The following CELSR1 variants were observed in gnomAD, a reference collection of about 807,000 sequenced individuals.
The protein encoded by CELSR1 is cadherin EGF LAG seven-pass G-type receptor 1, also known as adhesion G protein-coupled receptor C1.
Under a neutral mutation model 249.1 loss-of-function variants are expected in CELSR1, and 110 were observed. That is an observed-to-expected ratio of 0.44 (90% CI 0.38 to 0.52). The LOEUF (loss-of-function observed/expected upper bound fraction) is 0.52, where lower values mean the gene tolerates loss of function less well. CELSR1 is among the 20% of genes least tolerant of loss of function. The pLI is 0.00. For synonymous variants in CELSR1, 2,113 were observed against 1,900.0 expected, an observed-to-expected ratio of 1.11 and a Z score of -2.92; for missense variants, 4,109 against 4,296.4, an observed-to-expected ratio of 0.96 and a Z score of 1.22.
rs2078829570 is a variant in CELSR1, at chr22:46,369,703, C to T, written c.7861G>A (p.Ala2621Thr). Reference sequence around the variant, plus strand: ...GGCCCCACACTCACGATTATAACAGCTCCGATGGGCCCCGCAAAGCTCCAA... The same window carrying T: ...GGCCCCACACTCACGATTATAACAGTTCCGATGGGCCCCGCAAAGCTCCAA... Reference protein sequence around the residue: ...LIWSFAGPIGAVIIINTVTSV... With the variant: ...LIWSFAGPIGTVIIINTVTSV... The change falls in exon 26 of 35, where the codon GCT becomes ACT. Residue 2621 changes from alanine to threonine, a missense_variant. This residue lies in a region of CELSR1 where 1,805 missense variants were observed against 1,831.6 expected (regional missense o/e 0.99). Coordinates refer to ENST00000674500, the MANE Select transcript of CELSR1 (RefSeq NM_001378328.1). The T allele has an allele frequency of 2.5e-6, 4 of 1,613,362 alleles. No individual in the cohort carries two copies. The highest frequency in any genetic ancestry group is 1.7e-6 in the Non-Finnish European group (2 of 1,179,946).
intron 2 of CELSR1, among the ~76,000 whole-genome samples, chr22:46,459,055 G>GTTAAT (rs112370929): frequency 6.6e-6 from 1 of 151,810 alleles, no homozygotes; most frequent in African/African-American, 2.4e-5. Flanking sequence ...ACCACACCTG[G>GTTAAT]TTTTTTGTAT....
In CELSR1 at chr22:46,409,261, G is replaced by A. The variant is rs887944781; in HGVS notation, c.5060-99C>T. The A allele has an allele frequency of 7.6e-7, 1 of 1,314,418 alleles. No homozygotes were observed. The highest frequency in any genetic ancestry group is 1.0e-6 in the Non-Finnish European group (1 of 955,010). The allele number at this position is 1,314,418 out of a possible 1,614,324, so 81.4% of individuals were successfully genotyped here. On this transcript the variant is annotated intron_variant, in intron 8 of 34. Transcript: ENST00000674500. The surrounding 1 kb of genome is among the most constrained non-coding windows in gnomAD (Gnocchi z 9.8). ...GGATGGGCCTGCAGGCTAGGCCTGGGCCTTTTTCACTTTAACACGAAGGTG... is the reference window on the plus strand; with the variant it reads ...GGATGGGCCTGCAGGCTAGGCCTGGACCTTTTTCACTTTAACACGAAGGTG...
In CELSR1 at chr22:46,523,284, T is replaced by C. The variant is rs138303809; in HGVS notation, c.3544+10343A>G. Among the ~76,000 whole-genome samples, 1,317 of 152,218 alleles carry C rather than the reference T, an allele frequency of 8.7e-3. 18 individuals carry two copies. Among genetic ancestry groups the C allele is most frequent in the African/African-American group, 0.03 (1,250 of 41,542 alleles). On this transcript the variant is annotated intron_variant, in intron 1 of 34. Transcript: ENST00000674500. ...TGGCTGATGCCTGTAATCCCAGCAC[T>C]TTGGGAGGCCAAGGCGGACGGTTCA...
intron 20 of CELSR1, 30 bp downstream of exon 20, chr22:46,384,513 G>A: frequency 6.4e-7 from 1 of 1,563,646 alleles, no homozygotes; most frequent in Non-Finnish European, 8.7e-7. Flanking sequence ...GGGACTCCGA[G>A]GGCAGCAGCA....
intron 1 of CELSR1, chr22:46,481,254 A>C (rs2080263237): frequency 2.5e-6 from 1 of 396,100 alleles, no homozygotes; most frequent in Admixed American, 3.8e-5. Flanking sequence ...AAAAAAAAAA[A>C]GACTAAAATT....
intron 9 of CELSR1, among the ~76,000 whole-genome samples, chr22:46,405,664 A>G (rs2079258442): frequency 6.6e-6 from 1 of 152,118 alleles, no homozygotes; most frequent in Non-Finnish European, 1.5e-5. Flanking sequence ...TCTCAAGGTT[A>G]TCCCACCTGA....
chr22:46,437,073 G>A lies in CELSR1; in HGVS notation c.4407-784C>T, dbSNP rs2079671130. On this transcript the variant is annotated intron_variant, in intron 3 of 34. Transcript: ENST00000674500. This position sits in a 1 kb window ranked among gnomAD's most constrained non-coding sequence, Gnocchi z 4.9. Reference sequence around the variant, plus strand: ...CTGGTCCATATCAGTGCTTAATATGGGCTGTTTGAATAAATGAAAGGAAGA... The same window carrying A: ...CTGGTCCATATCAGTGCTTAATATGAGCTGTTTGAATAAATGAAAGGAAGA... Among the ~76,000 whole-genome samples the A allele has an allele frequency of 6.6e-6, 1 of 152,172 alleles. No individual in the cohort carries two copies. Among genetic ancestry groups the A allele is most frequent in the Non-Finnish European group, 1.5e-5 (1 of 68,028 alleles).
chr22:46,480,427 G>T (rs1347411658), intron 1 of CELSR1, among the ~76,000 whole-genome samples: 1 of 152,176 alleles, frequency 6.6e-6, no homozygotes, highest in African/African-American at 2.4e-5. Flanking sequence ...ACCTTTCAAA[G>T]TTCTTATCCA....
rs186411020 is a variant in CELSR1 at position 46,454,680 on chromosome 22, G to A, written c.4183+9027C>T. Among the ~76,000 whole-genome samples the A allele has an allele frequency of 5.9e-4, 90 of 152,332 alleles. No homozygotes were observed. The highest frequency in any genetic ancestry group is 5.2e-3 in the Admixed American group (80 of 15,304). On this transcript the variant is annotated intron_variant, in intron 2 of 34. Coordinates refer to ENST00000674500, the MANE Select transcript of CELSR1 (RefSeq NM_001378328.1). This position sits in a 1 kb window ranked among gnomAD's most constrained non-coding sequence, Gnocchi z 5.1. ...CCTCCAAGCTGTCCGGGTGGGACGC[G>A]GGAAACCCTCTGCTCCTGCGCTTAG... is the stretch of plus-strand genomic sequence containing the variant.
intron 19 of CELSR1, 72 bp downstream of exon 19, chr22:46,386,330 C>A (rs977449140): frequency 7.0e-7 from 1 of 1,423,722 alleles, no homozygotes; most frequent in Non-Finnish European, 9.2e-7. Flanking sequence ...TGCTTCACCC[C>A]ATGGGGGCCT....
Position 46,440,371 on chromosome 22 carries a change from T to G in CELSR1, c.4184-960A>C, listed in dbSNP as rs1476724252. 6.6e-6 allele frequency among the ~76,000 whole-genome samples: 1 copy of G among 152,148 alleles called. No homozygotes were observed. Among genetic ancestry groups the G allele is most frequent in the Non-Finnish European group, 1.5e-5 (1 of 68,022 alleles). ...CCACATGGGGAGTTAGGCTAATTTT[T>G]TGTATTTTTAGTAGAGACGGGGATT... On this transcript the variant is annotated intron_variant, in intron 2 of 34. Coordinates refer to ENST00000674500, the MANE Select transcript of CELSR1 (RefSeq NM_001378328.1). The surrounding 1 kb of genome is among the most constrained non-coding windows in gnomAD (Gnocchi z 4.7).
intron 1 of CELSR1, among the ~76,000 whole-genome samples, chr22:46,513,952 A>G (rs2080600382): frequency 6.6e-6 from 1 of 151,574 alleles, no homozygotes. Flanking sequence ...ACGCATCCAC[A>G]CCCAGCTAAT....
At chr22:46,523,435 C>T (rs5768888) in intron 1 of CELSR1, among the ~76,000 whole-genome samples, 43,833 of 151,594 alleles carry the variant, frequency 0.29, 7,505 homozygotes, top group African/African-American at 0.48. Flanking sequence ...GGCAGAGGCA[C>T]GAGAATCGCT....
Position 46,473,925 on chromosome 22 carries a change from G to C in CELSR1, c.3545-9580C>G, listed in dbSNP as rs1174644016. Among the ~76,000 whole-genome samples the C allele has an allele frequency of 6.6e-6, 1 of 152,144 alleles. No homozygotes were observed. Among genetic ancestry groups the C allele is most frequent in the Non-Finnish European group, 1.5e-5 (1 of 68,024 alleles). ...TTTCTCCTTTCTGGGCAACAATCTA[G>C]GACCTGCGTCTCACGAATGCAGGTT... On this transcript the variant is annotated intron_variant, in intron 1 of 34. Transcript: ENST00000674500. The surrounding 1 kb of genome is among the most constrained non-coding windows in gnomAD (Gnocchi z 6.6).
At chr22:46,394,547 T>C (rs2079128311) in intron 13 of CELSR1, among the ~76,000 whole-genome samples, 1 of 152,162 alleles carries the variant, frequency 6.6e-6, no homozygotes, top group African/African-American at 2.4e-5. Context: ...TTAATGACAA[T>C]GAACCCCCAC....
chr22:46,366,404 G>GT lies in CELSR1; in HGVS notation c.8281_8282insA (p.Ser2761TyrfsTer9). On this transcript the variant is annotated frameshift_variant, in exon 30 of 35. Transcript: ENST00000674500. LOFTEE classifies it high-confidence loss of function. ...GCCTGACCTGACGATGCTGTCCAGC[G>GT]AGGCGGTGGACTCGCCCAAGTCTGT... 1 of 1,549,570 alleles carries GT rather than the reference G, an allele frequency of 6.5e-7. No homozygotes were observed. The highest frequency in any genetic ancestry group is 8.7e-7 in the Non-Finnish European group (1 of 1,146,406).
In CELSR1 at chr22:46,500,762, C is replaced by A. The variant is rs1307304687; in HGVS notation, c.3544+32865G>T. Among the ~76,000 whole-genome samples the A allele has an allele frequency of 4.6e-5, 7 of 152,174 alleles. No homozygotes were observed. Among genetic ancestry groups the A allele is most frequent in the Non-Finnish European group, 1.0e-4 (7 of 68,028 alleles). ...TGCAGTTTCAGAATGAAGCTCACCA[C>A]CGTGTCCCCACAACTGGAGCTGCCC... is the stretch of plus-strand genomic sequence containing the variant. On this transcript the variant is annotated intron_variant, in intron 1 of 34. Transcript: ENST00000674500. This position sits in a 1 kb window ranked among gnomAD's most constrained non-coding sequence, Gnocchi z 4.9.
Position 46,391,564 on chromosome 22 carries a change from C to T in CELSR1, c.6148+69G>A, listed in dbSNP as rs531855583. The T allele has an allele frequency of 3.4e-5, 49 of 1,443,256 alleles. No homozygotes were observed. The African/African-American group carries it at 6.2e-4, about 18-fold the overall frequency. The allele number at this position is 1,443,256 out of a possible 1,614,324, so 89.4% of individuals were successfully genotyped here. On this transcript the variant is annotated intron_variant, in intron 15 of 34. Coordinates refer to ENST00000674500, the MANE Select transcript of CELSR1 (RefSeq NM_001378328.1). This position sits in a 1 kb window ranked among gnomAD's most constrained non-coding sequence, Gnocchi z 4.3. ...CCCAAACACCCAGCGTGCATGCACACACGTGCACGCCAGTGCAGCAGCCTG... is the reference window on the plus strand; with the variant it reads ...CCCAAACACCCAGCGTGCATGCACATACGTGCACGCCAGTGCAGCAGCCTG...
intron 1 of CELSR1, among the ~76,000 whole-genome samples, chr22:46,496,539 G>A (rs946358164): frequency 1.3e-5 from 2 of 152,174 alleles, no homozygotes; most frequent in African/African-American, 4.8e-5. Context: ...CTGCACTCCC[G>A]CCTGGGTAAC....
Sources: allele counts gnomAD v4.1 joint callset (sites outside exome capture counted in the v4.1 genomes callset), GRCh38; gene constraint gnomAD v4.1.1; regional missense constraint gnomAD v4.1.1; non-coding constraint Gnocchi (gnomAD v3.1); transcripts MANE v1.5; gene names NCBI Gene and HGNC (gene_info 2026-07-23, HGNC 2026-07-21).